The following THSD4 variants were observed in gnomAD, a reference collection of about 807,000 sequenced individuals.
The protein encoded by THSD4 is thrombospondin type-1 domain-containing protein 4.
A neutral mutation model predicts 119.0 loss-of-function variants in THSD4; 69 were observed. The observed-to-expected ratio is 0.58, with a 90% CI of 0.48 to 0.71. The LOEUF is 0.71. Ranked by LOEUF, THSD4 falls within the 30% of genes least tolerant of loss-of-function variation. THSD4 has a pLI of 0.00. For synonymous variants in THSD4, 524 were observed against 540.4 expected (o/e 0.97, Z 0.42); for missense variants, 1,393 against 1,391.1 (o/e 1.00, Z -0.02).
chr15:71,729,931 C>T (rs955783932), intron 9 of THSD4: 2 of 152,148 alleles, frequency 1.3e-5, no homozygotes, highest in Admixed American at 6.5e-5. Flanking sequence ...GTGCCCACCA[C>T]GTTTCTGCAA....
At chr15:71,272,694 C>T (rs952071342) in intron 6 of THSD4, among the ~76,000 whole-genome samples, 2 of 151,870 alleles carry the variant, frequency 1.3e-5, no homozygotes, top group Non-Finnish European at 2.9e-5. Context: ...AGCCCCGTCT[C>T]TAGTGAAAAC....
At chr15:71,215,537 T>A in intron 4 of THSD4, 138 bp downstream of exon 4, 2 of 933,576 alleles carry the variant, frequency 2.1e-6, no homozygotes, top group Non-Finnish European at 3.0e-6. Context: ...CAAGGAGCTC[T>A]GGGCTCCACG....
intron 6 of THSD4, among the ~76,000 whole-genome samples, chr15:71,353,971 C>A (rs2045776576): frequency 6.6e-6 from 1 of 152,112 alleles, no homozygotes; most frequent in African/African-American, 2.4e-5. Context: ...AAGATAGAAC[C>A]CTGAGGAACA....
intron 7 of THSD4, among the ~76,000 whole-genome samples, chr15:71,586,584 T>C (rs1374766426): frequency 6.6e-6 from 1 of 152,186 alleles, no homozygotes; most frequent in Non-Finnish European, 1.5e-5. Context: ...AGAAACAGCA[T>C]GCTAAATCCT....
At chr15:71,377,149 G>T (rs186711209) in intron 6 of THSD4, among the ~76,000 whole-genome samples, 8 of 152,178 alleles carry the variant, frequency 5.3e-5, no homozygotes, top group Admixed American at 3.9e-4. Flanking sequence ...TTTCATGAAG[G>T]GGGTAAAGGA....
chr15:71,148,087 T>G (rs2040681813), intron 2 of THSD4, among the ~76,000 whole-genome samples: 2 of 137,302 alleles, frequency 1.5e-5, no homozygotes. Flanking sequence ...AAACAAGCAA[T>G]AAAAACCAAT....
At position 71,737,833 on chromosome 15, in the gene THSD4, C is replaced by G. The variant is rs2053146872; in HGVS notation, c.1732C>G (p.Pro578Ala). The change falls in exon 11 of 18, where the codon CCT becomes GCT. Residue 578 changes from proline to alanine, a missense_variant. Transcript: ENST00000261862. The stretch of plus-strand genomic sequence containing the variant: ...GAAGGAAGACTTGCGTGGGGAGGCC[C>G]CTGAGATGTTCACCTCAGAATCGGC... ...EEKEDLRGEA[P>A]EMFTSESAQT... 6.2e-7 allele frequency: 1 copy of G among 1,614,114 alleles called. No individual in the cohort carries two copies. The highest frequency in any genetic ancestry group is 1.1e-5 in the South Asian group (1 of 91,082).
chr15:71,609,096 A>G (rs1595783463), intron 7 of THSD4, among the ~76,000 whole-genome samples: 1 of 152,212 alleles, frequency 6.6e-6, no homozygotes, highest in Non-Finnish European at 1.5e-5. Context: ...AACATTAACT[A>G]CCAGCTGACG....
intron 7 of THSD4, among the ~76,000 whole-genome samples, chr15:71,420,381 C>A (rs2046794575): frequency 1.9e-5 from 2 of 105,396 alleles, no homozygotes; most frequent in African/African-American, 6.5e-5. Flanking sequence ...AAGTGTGTTT[C>A]TTGTAGGAAA....
chr15:71,416,897 T>G (rs1200992998), intron 7 of THSD4, among the ~76,000 whole-genome samples: 1 of 105,668 alleles, frequency 9.5e-6, no homozygotes, highest in South Asian at 3.0e-4. Flanking sequence ...TAGCTGGGAC[T>G]ACAGGCGCCC....
chr15:71,111,135 G>C (rs772996338), upstream of THSD4: 1 of 1,598,890 alleles, frequency 6.3e-7, no homozygotes, highest in South Asian at 1.1e-5. Context: ...TCTTGTACCA[G>C]GTAACAAGAA....
At chr15:71,532,283 AGTGTGTGTGTGTGTGTGTGTGT>A (rs1210856261) in intron 7 of THSD4, among the ~76,000 whole-genome samples, 1 of 101,574 alleles carries the variant, frequency 9.8e-6, no homozygotes, top group Non-Finnish European at 2.1e-5. Context: ...AGAGAGAGAG[AGTGTGTGTGTGTGTGTGTGTGT>A]GTGTGTGTGT....
At chr15:71,538,012 G>A (rs1457606886) in intron 7 of THSD4, among the ~76,000 whole-genome samples, 2 of 151,828 alleles carry the variant, frequency 1.3e-5, no homozygotes, top group Non-Finnish European at 2.9e-5. Flanking sequence ...CACCTACCTC[G>A]GCCTTCCAAA....
intron 6 of THSD4, among the ~76,000 whole-genome samples, chr15:71,294,688 G>A (rs778057749): frequency 7.2e-5 from 11 of 152,212 alleles, no homozygotes; most frequent in South Asian, 6.2e-4. Context: ...GGCCCAAGAC[G>A]TATGGCCTGA....
At chr15:71,196,657 A>G (rs2043722148) in intron 3 of THSD4, among the ~76,000 whole-genome samples, 1 of 152,062 alleles carries the variant, frequency 6.6e-6, no homozygotes, top group African/African-American at 2.4e-5. Flanking sequence ...AAATGTGGCA[A>G]TCAAGATGGT....
chr15:71,431,998 T>C (rs1290060885), intron 7 of THSD4, among the ~76,000 whole-genome samples: 1 of 152,174 alleles, frequency 6.6e-6, no homozygotes, highest in East Asian at 1.9e-4. Flanking sequence ...GGAGTCATTT[T>C]GTCTCCACAC....
At chr15:71,258,490 T>TAACATGTAAA (rs547827283) in intron 6 of THSD4, among the ~76,000 whole-genome samples, 53 of 152,330 alleles carry the variant, frequency 3.5e-4, no homozygotes, top group African/African-American at 1.3e-3. Flanking sequence ...GTAAATGGTT[T>TAACATGTAAA]TGTAACATGT....
intron 6 of THSD4, among the ~76,000 whole-genome samples, chr15:71,339,053 G>T (rs1238870750): frequency 6.6e-6 from 1 of 152,162 alleles, no homozygotes; most frequent in East Asian, 1.9e-4. Flanking sequence ...GGCCATCTCT[G>T]CGGCCTCGCC....
chr15:71,413,642 C>G (rs755270396), intron 7 of THSD4, among the ~76,000 whole-genome samples: 5 of 152,286 alleles, frequency 3.3e-5, no homozygotes, highest in Non-Finnish European at 7.3e-5. Context: ...TTTGTTCTCA[C>G]ATTTTGAATG....
Sources: gnomAD v4.1 joint callset for allele counts (sites outside exome capture counted in the v4.1 genomes callset) on GRCh38, gnomAD v4.1.1 for gene constraint, MANE v1.5 for transcripts, NCBI Gene and HGNC (gene_info 2026-07-23, HGNC 2026-07-21) for gene names.